The following FAM78B variants were observed in gnomAD, a reference collection of about 807,000 sequenced individuals.
FAM78B encodes protein FAM78B.
In FAM78B, 10 loss-of-function variants were observed where a neutral mutation model predicts 20.0. The observed-to-expected ratio is 0.50, with a 90% CI of 0.31 to 0.85. FAM78B has a LOEUF of 0.85. FAM78B is among the 40% of genes least tolerant of loss of function. The pLI, the probability that FAM78B is intolerant of heterozygous loss-of-function variation, is 0.05. For missense variants in FAM78B, 283 were observed against 345.0 expected (o/e 0.82, Z 1.42); for synonymous variants, 135 against 132.8 (o/e 1.02, Z -0.12).
chr1:166,154,646 G>C (rs1315218157), intron 1 of FAM78B: 1 of 496,148 alleles, frequency 2.0e-6, no homozygotes, highest in Admixed American at 2.1e-5. Context: ...GGGGGGCAGG[G>C]GCAGGCAGTG....
chr1:166,091,447 A>G (rs902665283), intron 1 of FAM78B, among the ~76,000 whole-genome samples: 6 of 152,184 alleles, frequency 3.9e-5, no homozygotes, highest in Admixed American at 3.9e-4. Flanking sequence ...TCCCCTGCAC[A>G]AGCTCTTTTT....
intron 1 of FAM78B, among the ~76,000 whole-genome samples, chr1:166,086,883 C>T (rs1460177413): frequency 1.3e-5 from 2 of 152,090 alleles, no homozygotes; most frequent in Non-Finnish European, 2.9e-5. Flanking sequence ...ACTAGAGGGG[C>T]AGAGAGACTG....
chr1:166,145,832 T>C lies in FAM78B; in HGVS notation c.263+20154A>G, dbSNP rs554311371. 2.0e-5 allele frequency among the ~76,000 whole-genome samples: 3 copies of C among 152,364 alleles called. No homozygotes were observed. In the South Asian group the frequency reaches 6.2e-4, roughly 32 times the overall value. ...CCAGTAGTGTGGTAAAGTAAACAAA[T>C]ACTGGATAATGAGTCAGAAGATACT... is the stretch of plus-strand genomic sequence containing the variant. On this transcript the variant is annotated intron_variant, in intron 1 of 1. Transcript: ENST00000354422.
intron 1 of FAM78B, among the ~76,000 whole-genome samples, chr1:166,148,582 G>C (rs976809099): frequency 1.3e-5 from 2 of 152,240 alleles, no homozygotes; most frequent in Non-Finnish European, 2.9e-5. Context: ...ATTAGGTGAT[G>C]AATCAATGAT....
At chr1:166,097,500 G>A (rs1279582463) in intron 1 of FAM78B, among the ~76,000 whole-genome samples, 1 of 152,230 alleles carries the variant, frequency 6.6e-6, no homozygotes, top group Non-Finnish European at 1.5e-5. Context: ...ACTGGAAAGG[G>A]TCTGGGGACT....
chr1:166,091,890 G>A (rs146828968), intron 1 of FAM78B, among the ~76,000 whole-genome samples: 74 of 152,282 alleles, frequency 4.9e-4, no homozygotes, highest in Middle Eastern at 6.8e-3. Context: ...AAGTCCAACA[G>A]TTCATAAGTG....
chr1:166,108,683 A>T (rs1024454865), intron 1 of FAM78B, among the ~76,000 whole-genome samples: 1 of 152,192 alleles, frequency 6.6e-6, no homozygotes. Flanking sequence ...ACGGAAACAA[A>T]AAAGAGCATG....
intron 1 of FAM78B, among the ~76,000 whole-genome samples, chr1:166,146,995 C>T (rs1404797927): frequency 2.6e-5 from 4 of 152,194 alleles, no homozygotes; most frequent in Admixed American, 1.3e-4. Flanking sequence ...GGTTCCTAGA[C>T]ATTCTAAGCT....
intron 1 of FAM78B, among the ~76,000 whole-genome samples, chr1:166,126,902 C>G (rs1004452845): frequency 6.6e-6 from 1 of 152,154 alleles, no homozygotes; most frequent in Non-Finnish European, 1.5e-5. Context: ...AACGCTAACA[C>G]ATGGAAACCA....
At chr1:166,073,710 T>G (rs1226548682) in intron 1 of FAM78B, among the ~76,000 whole-genome samples, 1 of 152,226 alleles carries the variant, frequency 6.6e-6, no homozygotes, top group African/African-American at 2.4e-5. Flanking sequence ...TTGAATGGAA[T>G]GCCAGAGGCA....
chr1:166,114,231 C>A (rs939676741), intron 1 of FAM78B, among the ~76,000 whole-genome samples: 1 of 152,184 alleles, frequency 6.6e-6, no homozygotes, highest in Admixed American at 6.5e-5. Context: ...ATTCTTGACA[C>A]AAACCTGTGC....
intron 1 of FAM78B, among the ~76,000 whole-genome samples, chr1:166,105,999 A>G (rs897325408): frequency 1.3e-5 from 2 of 152,080 alleles, no homozygotes; most frequent in African/African-American, 2.4e-5. Context: ...AATGTGGCAC[A>G]TATACACCAT....
chr1:166,124,389 C>A (rs984004168), intron 1 of FAM78B, among the ~76,000 whole-genome samples: 1 of 152,212 alleles, frequency 6.6e-6, no homozygotes, highest in Non-Finnish European at 1.5e-5. Context: ...AAAACAAACA[C>A]ACGTAGCACT....
intron 1 of FAM78B, among the ~76,000 whole-genome samples, chr1:166,136,893 C>T (rs760336850): frequency 3.3e-5 from 5 of 152,190 alleles, no homozygotes; most frequent in Non-Finnish European, 7.3e-5. Context: ...ATGCCTGGCA[C>T]ACAGTTGTCA....
intron 1 of FAM78B, among the ~76,000 whole-genome samples, chr1:166,078,961 T>G (rs1652453853): frequency 6.8e-6 from 1 of 146,780 alleles, no homozygotes; most frequent in Non-Finnish European, 1.5e-5. Flanking sequence ...AGATGGGGTC[T>G]CACTCTGTCA....
At chr1:166,114,145 G>A (rs966298267) in intron 1 of FAM78B, among the ~76,000 whole-genome samples, 1 of 152,134 alleles carries the variant, frequency 6.6e-6, no homozygotes, top group African/African-American at 2.4e-5. Context: ...CACACCTTTG[G>A]GTGCATGATG....
chr1:166,109,898 A>ATGTATGTG (rs1353170646), intron 1 of FAM78B, among the ~76,000 whole-genome samples: 2 of 80,156 alleles, frequency 2.5e-5, no homozygotes, highest in African/African-American at 9.7e-5. Flanking sequence ...ATGTATATAT[A>ATGTATGTG]TATATATATA....
intron 1 of FAM78B, among the ~76,000 whole-genome samples, chr1:166,134,822 G>C (rs915580520): frequency 6.6e-6 from 1 of 152,086 alleles, no homozygotes; most frequent in Non-Finnish European, 1.5e-5. Context: ...GCTCTCTAAA[G>C]GTTCGTGTCT....
intron 1 of FAM78B, among the ~76,000 whole-genome samples, chr1:166,135,170 A>C (rs1489575423): frequency 6.6e-6 from 1 of 152,232 alleles, no homozygotes; most frequent in East Asian, 1.9e-4. Context: ...CTACTTCCAT[A>C]GGAATTTTCT....
Sources: gnomAD v4.1 joint callset for allele counts (sites outside exome capture counted in the v4.1 genomes callset) on GRCh38, gnomAD v4.1.1 for gene constraint, MANE v1.5 for transcripts, NCBI Gene and HGNC (gene_info 2026-07-23, HGNC 2026-07-21) for gene names.